Variants in GPR158 observed in about 807,000 individuals in gnomAD.
GPR158 encodes the protein metabotropic glycine receptor.
In GPR158, 30 loss-of-function variants were observed where a neutral mutation model predicts 78.2. The observed-to-expected ratio is 0.38, with a 90% CI of 0.29 to 0.52. The LOEUF (loss-of-function observed/expected upper bound fraction) is 0.52, where lower values mean the gene tolerates loss of function less well. Ranked by LOEUF, GPR158 falls within the 20% of genes least tolerant of loss-of-function variation. The pLI, the probability that GPR158 is intolerant of heterozygous loss-of-function variation, is 0.83. For synonymous variants in GPR158, 581 were observed against 591.1 expected (o/e 0.98, Z 0.25); for missense variants, 1,463 against 1,523.5 (o/e 0.96, Z 0.66).
chr10:25,226,705 T>G (rs1336723423), intron 2 of GPR158, among the ~76,000 whole-genome samples: 2 of 152,170 alleles, frequency 1.3e-5, no homozygotes, highest in Non-Finnish European at 2.9e-5. Context: ...GTCACACTCT[T>G]CTTTTGGAAT....
At chr10:25,250,859 G>A (rs1051233658) in intron 2 of GPR158, among the ~76,000 whole-genome samples, 2 of 151,364 alleles carry the variant, frequency 1.3e-5, no homozygotes, top group Non-Finnish European at 2.9e-5. Flanking sequence ...TTCAGTTCCT[G>A]GGTATCCTTG....
intron 2 of GPR158, among the ~76,000 whole-genome samples, chr10:25,227,017 G>A (rs1853382568): frequency 6.6e-6 from 1 of 152,088 alleles, no homozygotes; most frequent in Non-Finnish European, 1.5e-5. Flanking sequence ...TTTGTTTTTG[G>A]AGTTCTAAAG....
chr10:25,363,560 C>G (rs376218697), intron 2 of GPR158, among the ~76,000 whole-genome samples: 13 of 152,002 alleles, frequency 8.6e-5, no homozygotes, highest in African/African-American at 3.1e-4. Context: ...TCAAATCTCT[C>G]TCCTTGAGCT....
At chr10:25,316,709 G>A (rs1854855391) in intron 2 of GPR158, among the ~76,000 whole-genome samples, 1 of 152,124 alleles carries the variant, frequency 6.6e-6, no homozygotes, top group African/African-American at 2.4e-5. Flanking sequence ...TTCAACAGAT[G>A]TTATATATTG....
chr10:25,289,149 C>A (rs1419251665), intron 2 of GPR158, among the ~76,000 whole-genome samples: 1 of 152,102 alleles, frequency 6.6e-6, no homozygotes, highest in African/African-American at 2.4e-5. Flanking sequence ...ATTCATTTAC[C>A]CAAAAACATT....
chr10:25,175,789 C>G lies in GPR158; in HGVS notation c.369C>G (p.His123Gln). ...PALASAHPSL[H>Q]RALDTLTHAT... ...TGGCCAGCGCGCACCCCTCCTTGCA[C>G]CGGGCGCTGGACACACTGACACACG... Residue 123 changes from histidine to glutamine, a missense_variant, in exon 1 of 11, where the codon CAC becomes CAG. By Grantham distance (24) the His-to-Gln change is conservative (BLOSUM62 0). Coordinates refer to ENST00000376351, the MANE Select transcript of GPR158 (RefSeq NM_020752.3). This position sits in a 1 kb window ranked among gnomAD's most constrained non-coding sequence, Gnocchi z 6.4. 3 of 1,611,594 alleles carry G rather than the reference C, an allele frequency of 1.9e-6. No individual in the cohort carries two copies. Among genetic ancestry groups the G allele is most frequent in the Non-Finnish European group, 2.5e-6 (3 of 1,179,958 alleles).
chr10:25,397,287 C>G lies in GPR158; in HGVS notation c.1111+1274C>G, dbSNP rs569551978. ...CAATTCAAGTATTGAGTATTATTCT[C>G]TCTCCGGAGAATAAACTCTTGCCAC... On this transcript the variant is annotated intron_variant, in intron 3 of 10. Transcript: ENST00000376351. 1.3e-4 allele frequency among the ~76,000 whole-genome samples: 20 copies of G among 152,300 alleles called. No homozygotes were observed. In the East Asian group the frequency reaches 3.5e-3, roughly 26 times the overall value.
intron 4 of GPR158, among the ~76,000 whole-genome samples, chr10:25,416,411 T>C (rs1022221553): frequency 2.6e-5 from 4 of 152,152 alleles, no homozygotes; most frequent in Non-Finnish European, 5.9e-5. Context: ...TCAGGAGTGA[T>C]TACTTAGTGT....
chr10:25,377,520 A>G (rs1308868075), intron 2 of GPR158, among the ~76,000 whole-genome samples: 2 of 151,966 alleles, frequency 1.3e-5, no homozygotes, highest in African/African-American at 4.8e-5. Context: ...GAAACCCTGT[A>G]CTCATTAGGT....
intron 4 of GPR158, chr10:25,466,143 AC>A (rs1835418633): frequency 6.6e-6 from 1 of 152,482 alleles, no homozygotes; most frequent in Non-Finnish European, 1.5e-5. Flanking sequence ...GGAAACAGCA[AC>A]CCTTCCGGGT....
chr10:25,265,854 A>G (rs1292032962), intron 2 of GPR158, among the ~76,000 whole-genome samples: 1 of 152,116 alleles, frequency 6.6e-6, no homozygotes, highest in Non-Finnish European at 1.5e-5. Flanking sequence ...TTTTTCTTGA[A>G]CAATCCAGTC....
intron 6 of GPR158, among the ~76,000 whole-genome samples, chr10:25,555,136 A>G (rs1406789628): frequency 1.3e-5 from 2 of 152,206 alleles, no homozygotes; most frequent in Non-Finnish European, 2.9e-5. Context: ...CTTGTAGTAT[A>G]GTTTGAAGTC....
intron 4 of GPR158, among the ~76,000 whole-genome samples, chr10:25,462,583 T>C (rs1835370673): frequency 6.6e-6 from 1 of 152,216 alleles, no homozygotes; most frequent in Non-Finnish European, 1.5e-5. Flanking sequence ...CTAGATGCCA[T>C]TGAGAACATT....
At chr10:25,241,125 TTTTCTTTC>T (rs752386158) in intron 2 of GPR158, among the ~76,000 whole-genome samples, 17,531 of 108,002 alleles carry the variant, frequency 0.16, 1,709 homozygotes, top group Non-Finnish European at 0.2. Context: ...TTTACTTTGA[TTTTCTTTC>T]TTTCTTTCTT....
At chr10:25,259,067 C>T (rs532752611) in intron 2 of GPR158, among the ~76,000 whole-genome samples, 6 of 152,212 alleles carry the variant, frequency 3.9e-5, no homozygotes, top group Admixed American at 6.5e-5. Flanking sequence ...TTCCACCTGT[C>T]ATCTTCATGT....
At chr10:25,280,665 T>C (rs997504436) in intron 2 of GPR158, among the ~76,000 whole-genome samples, 16 of 152,312 alleles carry the variant, frequency 1.1e-4, no homozygotes, top group African/African-American at 3.1e-4. Flanking sequence ...AAAACATTCA[T>C]AAAAGTTGAC....
At position 25,461,916 on chromosome 10, in the gene GPR158, A is replaced by G. The variant is rs575590589; in HGVS notation, c.1336-4735A>G. 2.6e-4 allele frequency among the ~76,000 whole-genome samples: 40 copies of G among 151,750 alleles called. 1 individual carries two copies. Among genetic ancestry groups the G allele is most frequent in the Admixed American group, 1.2e-3 (18 of 15,256 alleles). ...CCGGCTGATTTTTTTGTATGTGTGTATTTTTAATAGAGACGGGGTTTCACC... is the reference window on the plus strand; with the variant it reads ...CCGGCTGATTTTTTTGTATGTGTGTGTTTTTAATAGAGACGGGGTTTCACC... On this transcript the variant is annotated intron_variant, in intron 4 of 10. Coordinates refer to ENST00000376351, the MANE Select transcript of GPR158 (RefSeq NM_020752.3).
chr10:25,273,635 C>A (rs1264466584), intron 2 of GPR158, among the ~76,000 whole-genome samples: 3 of 152,150 alleles, frequency 2.0e-5, no homozygotes, highest in South Asian at 2.1e-4. Context: ...AATCACTCTA[C>A]CTTTTCTATA....
Position 25,200,393 on chromosome 10 carries a change from TC to T in GPR158, c.903-20657del, listed in dbSNP as rs781049578. 3.2e-4 allele frequency among the ~76,000 whole-genome samples: 49 copies of T among 152,308 alleles called. 1 individual carries two copies. The highest frequency in any genetic ancestry group is 5.4e-4 in the Non-Finnish European group (37 of 68,016). On this transcript the variant is annotated intron_variant, in intron 1 of 10. Transcript: ENST00000376351. ...TTTTTGCTTGTAAATGTGCTTAAGT[TC>T]CTTATAGATTCTGGATATTAGACCT...
Sources: gnomAD v4.1 joint callset for allele counts (sites outside exome capture counted in the v4.1 genomes callset) on GRCh38, gnomAD v4.1.1 for gene constraint, Gnocchi (gnomAD v3.1) non-coding constraint, MANE v1.5 for transcripts, NCBI Gene and HGNC (gene_info 2026-07-23, HGNC 2026-07-21) for gene names.